ADCY1: variants seen among roughly 807,000 people sequenced by gnomAD.
The protein encoded by ADCY1 is adenylate cyclase type 1.
In ADCY1, 28 loss-of-function variants were observed where a neutral mutation model predicts 105.4. The ratio of observed to expected loss-of-function variants is 0.27; its 90% confidence interval spans 0.20 to 0.36. The LOEUF is 0.36. Ranked by LOEUF, ADCY1 falls within the 10% of genes least tolerant of loss-of-function variation. The pLI is 1.00. For synonymous variants in ADCY1, 655 were observed against 623.8 expected, an observed-to-expected ratio of 1.05 and a Z score of -0.75; for missense variants, 977 against 1,434.2, an observed-to-expected ratio of 0.68 and a Z score of 5.15.
intron 3 of ADCY1, among the ~76,000 whole-genome samples, chr7:45,610,797 T>TGGGGAGGTGATGGTGGAGG (rs1793536342): frequency 1.1e-4 from 2 of 18,850 alleles, no homozygotes. Context: ...ATGGTGGAGG[T>TGGGGAGGTGATGGTGGAGG]GGGGAGGTGA....
intron 1 of ADCY1, among the ~76,000 whole-genome samples, chr7:45,582,843 T>A (rs1792601190): frequency 6.6e-6 from 1 of 152,158 alleles, no homozygotes; most frequent in Non-Finnish European, 1.5e-5. Flanking sequence ...TGTGGGGGAA[T>A]CCCTGGGGGC....
chr7:45,626,503 A>G (rs1785297274), intron 4 of ADCY1, among the ~76,000 whole-genome samples: 2 of 152,070 alleles, frequency 1.3e-5, no homozygotes, highest in African/African-American at 2.4e-5. Flanking sequence ...AGAGGTTAGG[A>G]TATCATTACA....
intron 3 of ADCY1, among the ~76,000 whole-genome samples, chr7:45,619,641 A>G (rs969868528): frequency 6.6e-6 from 1 of 152,220 alleles, no homozygotes; most frequent in Non-Finnish European, 1.5e-5. Context: ...AAGTAAGAGA[A>G]ATATCTGCAT....
Position 45,685,088 on chromosome 7 carries a change from G to C in ADCY1, c.2073+20G>C, listed in dbSNP as rs922134353. 6.2e-7 allele frequency: 1 copy of C among 1,605,936 alleles called. No individual in the cohort carries two copies. The highest frequency in any genetic ancestry group is 8.5e-7 in the Non-Finnish European group (1 of 1,172,522). On this transcript the variant is annotated intron_variant, in intron 12 of 19. Coordinates refer to ENST00000297323, the MANE Select transcript of ADCY1 (RefSeq NM_021116.4). Reference sequence around the variant, plus strand: ...TGTGTGGTGAGCATCTCCAGCTTGTGGCATGCGCTGGGGCGGGAGAGGGCA... The same window carrying C: ...TGTGTGGTGAGCATCTCCAGCTTGTCGCATGCGCTGGGGCGGGAGAGGGCA...
At chr7:45,655,314 A>G (rs1794908285) in intron 5 of ADCY1, among the ~76,000 whole-genome samples, 1 of 152,242 alleles carries the variant, frequency 6.6e-6, no homozygotes, top group Admixed American at 6.5e-5. Context: ...TCAGAGGACC[A>G]AGGTCAGGGC....
At chr7:45,656,115 G>A (rs371329421) in intron 5 of ADCY1, among the ~76,000 whole-genome samples, 37 of 151,472 alleles carry the variant, frequency 2.4e-4, no homozygotes, top group South Asian at 2.1e-4. Flanking sequence ...GTGAAACCCC[G>A]ACTCTATTAA....
chr7:45,678,052 C>A lies in ADCY1; in HGVS notation c.1789C>A (p.Arg597=), dbSNP rs142005939. ...FFTLKYKHVE[R]EQKYHQLQDE... is the part of the protein sequence containing the mutation. ...TACCCTGAAGTACAAACATGTCGAA[C>A]GGGAGCAAAAGGTAAGCAACTCTGG... Residue 597 remains arginine, a synonymous_variant, in exon 9 of 20, where the codon CGG becomes AGG. Coordinates refer to ENST00000297323, the MANE Select transcript of ADCY1 (RefSeq NM_021116.4). 6 of 1,613,900 alleles carry A rather than the reference C, an allele frequency of 3.7e-6. No individual in the cohort carries two copies. The highest frequency in any genetic ancestry group is 5.1e-6 in the Non-Finnish European group (6 of 1,180,016).
At chr7:45,694,692 A>G (rs1218352342) in intron 14 of ADCY1, among the ~76,000 whole-genome samples, 4 of 152,254 alleles carry the variant, frequency 2.6e-5, no homozygotes, top group Non-Finnish European at 5.9e-5. Context: ...GGAAGGATAC[A>G]GATCCTTTGG....
intron 17 of ADCY1, 93 bp downstream of exon 17, chr7:45,704,709 T>G (rs2116262800): frequency 1.0e-6 from 1 of 992,622 alleles, no homozygotes; most frequent in East Asian, 2.4e-5. Flanking sequence ...CACTGGGGTT[T>G]GTTTGCCCTC....
At chr7:45,645,183 G>C (rs1219374796) in intron 4 of ADCY1, among the ~76,000 whole-genome samples, 1 of 152,070 alleles carries the variant, frequency 6.6e-6, no homozygotes, top group East Asian at 1.9e-4. Flanking sequence ...GTGCTAGATG[G>C]CTTTGCCCTT....
intron 5 of ADCY1, 41 bp downstream of exon 5, chr7:45,648,838 C>T (rs1479484600): frequency 1.2e-6 from 2 of 1,604,564 alleles, no homozygotes. Flanking sequence ...CCTGGGGCAT[C>T]TACACATTGA....
At chr7:45,587,053 G>A (rs1020875660) in intron 1 of ADCY1, among the ~76,000 whole-genome samples, 1 of 152,190 alleles carries the variant, frequency 6.6e-6, no homozygotes, top group Non-Finnish European at 1.5e-5. Context: ...GGGGCAGCCC[G>A]GGTGATGTCA....
intron 17 of ADCY1, 126 bp downstream of exon 17, chr7:45,704,742 T>C: frequency 1.4e-6 from 1 of 719,774 alleles, no homozygotes; most frequent in South Asian, 1.8e-5. Context: ...CAGGAGCAGC[T>C]TGAGTGCTGT....
At chr7:45,693,373 CT>C (rs1192739596) in intron 14 of ADCY1, among the ~76,000 whole-genome samples, 1 of 143,518 alleles carries the variant, frequency 7.0e-6, no homozygotes, top group East Asian at 2.0e-4. Flanking sequence ...AGGATTCCCT[CT>C]TTTTCTATTG....
intron 3 of ADCY1, among the ~76,000 whole-genome samples, chr7:45,616,673 A>G (rs540061116): frequency 6.6e-6 from 1 of 152,228 alleles, no homozygotes; most frequent in South Asian, 2.1e-4. Flanking sequence ...CAACAAAATA[A>G]AAGCTATGTA....
At chr7:45,604,455 T>C (rs1231342787) in intron 2 of ADCY1, among the ~76,000 whole-genome samples, 1 of 152,246 alleles carries the variant, frequency 6.6e-6, no homozygotes, top group East Asian at 1.9e-4. Flanking sequence ...TCTGAAAGTT[T>C]TATCTTTTAC....
intron 3 of ADCY1, among the ~76,000 whole-genome samples, chr7:45,619,564 A>G (rs1230831803): frequency 6.6e-6 from 1 of 152,166 alleles, no homozygotes; most frequent in Non-Finnish European, 1.5e-5. Flanking sequence ...CATATACGTA[A>G]CAGAAAAGAA....
rs148189424 is a variant in ADCY1 at position 45,701,429 on chromosome 7, A to G, written c.2455-1947A>G. Among the ~76,000 whole-genome samples the G allele has an allele frequency of 2.1e-3, 321 of 152,364 alleles. 1 individual carries two copies. Among genetic ancestry groups the G allele is most frequent in the African/African-American group, 7.6e-3 (314 of 41,578 alleles). ...ACACAAATTTTTAAATCACAATGCC[A>G]TAAACCTAGATTATGGTTTTTAATC... On this transcript the variant is annotated intron_variant, in intron 14 of 19. Coordinates refer to ENST00000297323, the MANE Select transcript of ADCY1 (RefSeq NM_021116.4).
rs887543040 is a variant in ADCY1, at chr7:45,714,105, A to G, written c.*110A>G. 3.2e-6 allele frequency: 2 copies of G among 617,774 alleles called. No individual in the cohort carries two copies. Among genetic ancestry groups the G allele is most frequent in the Non-Finnish European group, 5.8e-6 (2 of 344,616 alleles). The allele number at this position is 617,774 out of a possible 1,614,324, so 38.3% of individuals were successfully genotyped here. A position where few individuals can be genotyped will look rare whatever the true frequency, so the allele number is the denominator to read the frequency against. ...AGCCAGACCAGCAGAGCAGGGAGCC[A>G]CTTGCCAGGGTGGAGGAGGAGCATT... On this transcript the variant is annotated 3_prime_UTR_variant, in exon 20 of 20. Transcript: ENST00000297323.
Sources: allele counts gnomAD v4.1 joint callset (sites outside exome capture counted in the v4.1 genomes callset), GRCh38; gene constraint gnomAD v4.1.1; transcripts MANE v1.5; gene names NCBI Gene and HGNC (gene_info 2026-07-23, HGNC 2026-07-21).